The following OPCML variants were observed in gnomAD, a reference collection of about 807,000 sequenced individuals.
OPCML encodes the protein opioid-binding protein/cell adhesion molecule.
A neutral mutation model predicts 37.8 loss-of-function variants in OPCML; 13 were observed. The observed-to-expected ratio is 0.34, with a 90% CI of 0.22 to 0.55. The LOEUF (loss-of-function observed/expected upper bound fraction) is 0.55. OPCML is among the 20% of genes least tolerant of loss of function. The pLI, the probability that OPCML is intolerant of heterozygous loss-of-function variation, is 0.91. For missense variants in OPCML, 341 were observed against 435.6 expected, an observed-to-expected ratio of 0.78 and a Z score of 1.93; for synonymous variants, 176 against 168.8, an observed-to-expected ratio of 1.04 and a Z score of -0.33.
chr11:133,510,160 G>C (rs1250365356), intron 1 of OPCML, among the ~76,000 whole-genome samples: 1 of 152,212 alleles, frequency 6.6e-6, no homozygotes, highest in African/African-American at 2.4e-5. Context: ...AGCAGCCAAT[G>C]AGCAGTGCCC....
intron 2 of OPCML, among the ~76,000 whole-genome samples, chr11:132,811,892 C>T (rs117692813): frequency 0.016 from 2,437 of 152,314 alleles, 27 homozygotes; most frequent in Middle Eastern, 0.027. Context: ...AGCTTGTTCA[C>T]AGGACTAAAT....
intron 7 of OPCML, among the ~76,000 whole-genome samples, chr11:132,420,556 C>G (rs188776894): frequency 7.8e-4 from 119 of 152,284 alleles, no homozygotes; most frequent in Admixed American, 1.8e-3. Flanking sequence ...CATTGAGGCC[C>G]GTGGGCCCAA....
intron 1 of OPCML, among the ~76,000 whole-genome samples, chr11:133,441,093 C>T (rs972339523): frequency 4.6e-5 from 7 of 151,490 alleles, no homozygotes; most frequent in African/African-American, 1.7e-4. Context: ...CAGACACATC[C>T]TCATGTATAA....
chr11:132,499,198 G>C (rs574073056), intron 4 of OPCML, among the ~76,000 whole-genome samples: 5 of 152,168 alleles, frequency 3.3e-5, no homozygotes, highest in African/African-American at 1.2e-4. Context: ...CTGAGGAAAG[G>C]GTCCCTCTGC....
intron 1 of OPCML, among the ~76,000 whole-genome samples, chr11:133,140,760 C>CGAA (rs1335359929): frequency 3.2e-4 from 26 of 80,178 alleles, no homozygotes; most frequent in African/African-American, 9.7e-4. Context: ...AAGAAGAAGA[C>CGAA]GACGAAGAAG....
chr11:133,530,413 A>T (rs559154155), intron 1 of OPCML, among the ~76,000 whole-genome samples: 1 of 152,318 alleles, frequency 6.6e-6, no homozygotes, highest in African/African-American at 2.4e-5. Flanking sequence ...TTCCCTTGGG[A>T]TGGGGGTCCT....
intron 1 of OPCML, among the ~76,000 whole-genome samples, chr11:133,188,118 T>C (rs1938164379): frequency 6.6e-6 from 1 of 152,238 alleles, no homozygotes; most frequent in Non-Finnish European, 1.5e-5. Context: ...ATGACATCAA[T>C]TAACAAATAG....
chr11:132,975,568 A>C (rs1946445135), intron 1 of OPCML, among the ~76,000 whole-genome samples: 2 of 108,798 alleles, frequency 1.8e-5, no homozygotes, highest in South Asian at 6.1e-4. Context: ...AAAAAAAAAA[A>C]AAAAAAAAAA....
At chr11:132,843,084 TTTTCTTTC>T (rs1158282265) in intron 2 of OPCML, among the ~76,000 whole-genome samples, 1 of 88,018 alleles carries the variant, frequency 1.1e-5, no homozygotes, top group Non-Finnish European at 2.4e-5. Context: ...TGTGGTTCCT[TTTTCTTTC>T]TTTTTTTTTT....
intron 1 of OPCML, among the ~76,000 whole-genome samples, chr11:133,218,214 G>A (rs2136355981): frequency 6.6e-6 from 1 of 152,170 alleles, no homozygotes; most frequent in Non-Finnish European, 1.5e-5. Flanking sequence ...AATCCAAATT[G>A]GAATCAAGTT....
intron 2 of OPCML, among the ~76,000 whole-genome samples, chr11:132,915,708 A>G (rs1293113940): frequency 6.6e-6 from 1 of 152,106 alleles, no homozygotes; most frequent in East Asian, 1.9e-4. Flanking sequence ...TTTAATTTGT[A>G]TTTCCCTGAT....
chr11:132,498,946 T>A (rs1055575299), intron 4 of OPCML, among the ~76,000 whole-genome samples: 1 of 152,190 alleles, frequency 6.6e-6, no homozygotes, highest in Non-Finnish European at 1.5e-5. Flanking sequence ...GCTACACAAA[T>A]GGATTTGAAT....
intron 1 of OPCML, among the ~76,000 whole-genome samples, chr11:133,142,299 T>G (rs959956347): frequency 6.6e-6 from 1 of 152,194 alleles, no homozygotes. Flanking sequence ...CTTCTCAACA[T>G]GTTCCCCAGT....
intron 1 of OPCML, among the ~76,000 whole-genome samples, chr11:133,483,345 A>G (rs567559067): frequency 1.1e-5 from 1 of 88,660 alleles, no homozygotes; most frequent in South Asian, 3.0e-4. Flanking sequence ...TAGATAATAG[A>G]TATAGATAGA....
chr11:133,055,734 C>T (rs1386152086), intron 1 of OPCML, among the ~76,000 whole-genome samples: 2 of 151,340 alleles, frequency 1.3e-5, no homozygotes, highest in Non-Finnish European at 2.9e-5. Flanking sequence ...TCGTACAATG[C>T]TGCCTCCATG....
rs567763276 is a variant in OPCML at position 133,439,684 on chromosome 11, G to T, written c.61+92580C>A. ...GGGTTTCACCGTTTTAGCCAGGATG[G>T]TCTCGATCTCCTGACTTCGTGATCC... On this transcript the variant is annotated intron_variant, in intron 1 of 7. Transcript: ENST00000524381. Among the ~76,000 whole-genome samples the T allele has an allele frequency of 4.6e-5, 7 of 152,012 alleles. No homozygotes were observed. The South Asian group carries it at 1.5e-3, about 32-fold the overall frequency.
chr11:132,968,489 C>G (rs1216724755), intron 1 of OPCML, among the ~76,000 whole-genome samples: 1 of 151,854 alleles, frequency 6.6e-6, no homozygotes, highest in Non-Finnish European at 1.5e-5. Context: ...TTTTTTTTGT[C>G]TTTTTTCTTC....
chr11:133,055,648 G>A (rs1331314027), intron 1 of OPCML, among the ~76,000 whole-genome samples: 1 of 150,242 alleles, frequency 6.7e-6, no homozygotes, highest in African/African-American at 2.5e-5. Context: ...GACTCCATGA[G>A]GGAGCCGCCT....
At chr11:132,447,118 T>C (rs758103440) in intron 4 of OPCML, among the ~76,000 whole-genome samples, 2 of 152,202 alleles carry the variant, frequency 1.3e-5, no homozygotes, top group South Asian at 2.1e-4. Context: ...CTTTGCCCTT[T>C]GCTTGCCTTT....
Sources: allele counts gnomAD v4.1 joint callset (sites outside exome capture counted in the v4.1 genomes callset), GRCh38; gene constraint gnomAD v4.1.1; transcripts MANE v1.5; gene names NCBI Gene and HGNC (gene_info 2026-07-23, HGNC 2026-07-21).